Variants in ZNF438 observed in about 807,000 individuals in gnomAD.
The protein encoded by ZNF438 is zinc finger protein 438.
Under a neutral mutation model 38.0 loss-of-function variants are expected in ZNF438, and 25 were observed. That is an observed-to-expected ratio of 0.66 (90% CI 0.48 to 0.92). The LOEUF is 0.92. Among genes scored for constraint, ZNF438 ranks in the 40% least tolerant of loss-of-function variants. The pLI is 0.00. For missense variants in ZNF438, 1,007 were observed against 999.6 expected (o/e 1.01, Z -0.10); for synonymous variants, 372 against 364.1 (o/e 1.02, Z -0.25).
intron 3 of ZNF438, among the ~76,000 whole-genome samples, chr10:30,906,390 G>A (rs2994625): frequency 0.35 from 53,157 of 152,002 alleles, 10,838 homozygotes; most frequent in African/African-American, 0.56. Flanking sequence ...CCTTGGTAGT[G>A]TATATAAATA....
In ZNF438 at chr10:30,958,103, G is replaced by A. The variant is rs909385614; in HGVS notation, c.-191-16452C>T. On this transcript the variant is annotated intron_variant, in intron 1 of 5. Coordinates refer to ENST00000413025, the Ensembl canonical transcript of ZNF438. The stretch of plus-strand genomic sequence containing the variant: ...TTTGTAGTTCCATTTTTGGGACTGA[G>A]TCATACGACCAAAGAATAGCATTCC... Among the ~76,000 whole-genome samples the A allele has an allele frequency of 3.4e-5, 5 of 146,558 alleles. 1 individual carries two copies. The highest frequency in any genetic ancestry group is 6.9e-5 in the Admixed American group (1 of 14,508).
chr10:30,913,589 G>C (rs1462854813), intron 2 of ZNF438, among the ~76,000 whole-genome samples: 1 of 152,038 alleles, frequency 6.6e-6, no homozygotes, highest in African/African-American at 2.4e-5. Flanking sequence ...TAGAGAAAGA[G>C]TAAGTGAATT....
chr10:30,937,918 G>A (rs1271877403), intron 2 of ZNF438, among the ~76,000 whole-genome samples: 1 of 152,076 alleles, frequency 6.6e-6, no homozygotes, highest in African/African-American at 2.4e-5. Flanking sequence ...TCCTCAGGAG[G>A]GCATTCATGG....
intron 1 of ZNF438, among the ~76,000 whole-genome samples, chr10:30,974,138 A>G (rs553589224): frequency 6.6e-6 from 1 of 152,318 alleles, no homozygotes; most frequent in South Asian, 2.1e-4. Context: ...ACCTTCTGGG[A>G]ATCTAGATAA....
chr10:30,848,847 G>C, exon 5 of ZNF438: 1 of 1,614,240 alleles, frequency 6.2e-7, no homozygotes, highest in South Asian at 1.1e-5. Context: ...CGAAGGTGCT[G>C]TTTGAACTGG....
intron 1 of ZNF438, among the ~76,000 whole-genome samples, chr10:30,981,803 G>A (rs565719056): frequency 5.9e-5 from 9 of 151,946 alleles, no homozygotes; most frequent in East Asian, 2.0e-4. Context: ...ACTTGAACCC[G>A]GGAGGTGGAG....
intron 2 of ZNF438, among the ~76,000 whole-genome samples, chr10:30,918,232 T>C (rs7898784): frequency 0.037 from 5,672 of 152,280 alleles, 346 homozygotes; most frequent in African/African-American, 0.13. Flanking sequence ...CCACCTATGT[T>C]TTTAAGATTC....
At chr10:30,995,155 A>C (rs2053917787) in intron 1 of ZNF438, among the ~76,000 whole-genome samples, 2 of 152,212 alleles carry the variant, frequency 1.3e-5, no homozygotes, top group Non-Finnish European at 2.9e-5. Flanking sequence ...CAAGGAGCTC[A>C]ACAAATTCTA....
At chr10:31,015,180 T>C (rs1250209309) in intron 1 of ZNF438, among the ~76,000 whole-genome samples, 1 of 152,198 alleles carries the variant, frequency 6.6e-6, no homozygotes, top group Non-Finnish European at 1.5e-5. Context: ...TTACTGTTAT[T>C]GATCTTGTCA....
intron 4 of ZNF438, among the ~76,000 whole-genome samples, chr10:30,875,892 A>C (rs967938856): frequency 4.6e-5 from 7 of 152,262 alleles, no homozygotes; most frequent in Admixed American, 3.9e-4. Flanking sequence ...TGTCCCAGAT[A>C]TTAATAATAG....
intron 2 of ZNF438, among the ~76,000 whole-genome samples, chr10:30,910,681 G>GT (rs2042988350): frequency 1.7e-5 from 1 of 59,398 alleles, no homozygotes; most frequent in Non-Finnish European, 3.3e-5. Context: ...TTGTATATTG[G>GT]CCAAAAAAAA....
chr10:31,020,432 A>C lies in ZNF438; in HGVS notation c.-192+11401T>G, dbSNP rs558077065. On this transcript the variant is annotated intron_variant, in intron 1 of 5. Coordinates refer to ENST00000413025, the Ensembl canonical transcript of ZNF438. The stretch of plus-strand genomic sequence containing the variant: ...AAATTCTCATTGGTTTACAAAAATA[A>C]CATTGCTTGGTGATTGGATATACGT... Among the ~76,000 whole-genome samples the C allele has an allele frequency of 3.3e-5, 5 of 152,332 alleles. No individual in the cohort carries two copies. In the South Asian group the frequency reaches 1.0e-3, roughly 32 times the overall value.
intron 3 of ZNF438, among the ~76,000 whole-genome samples, chr10:30,885,360 T>A (rs886739740): frequency 2.6e-5 from 4 of 152,218 alleles, no homozygotes; most frequent in African/African-American, 9.6e-5. Flanking sequence ...AGGTTGATAA[T>A]CACACAAGAT....
chr10:30,864,667 T>C (rs1167809256), intron 4 of ZNF438, among the ~76,000 whole-genome samples: 1 of 152,182 alleles, frequency 6.6e-6, no homozygotes, highest in Non-Finnish European at 1.5e-5. Flanking sequence ...TGACATGGCT[T>C]CCTTCTGCTA....
rs769501006 is a variant in ZNF438, at chr10:30,848,563, C to A, written c.1842G>T (p.Met614Ile). Residue 614 changes from methionine (M) to isoleucine (I), a missense_variant, in exon 5 of 6, where the codon ATG (methionine) becomes ATT (isoleucine). Physicochemically the swap from Met to Ile is conservative, Grantham distance 10. Coordinates refer to ENST00000413025, the Ensembl canonical transcript of ZNF438. ...ATGATCCCTCCATGCCTCGCACACT[C>A]ATGTCTCTGTTCTTTGGTATGTCTC... 6.2e-7 allele frequency: 1 copy of A among 1,613,786 alleles called. No individual in the cohort carries two copies. The highest frequency in any genetic ancestry group is 1.3e-5 in the African/African-American group (1 of 75,056).
At chr10:30,988,876 C>T (rs1357583280) in intron 1 of ZNF438, among the ~76,000 whole-genome samples, 2 of 151,880 alleles carry the variant, frequency 1.3e-5, no homozygotes, top group Admixed American at 1.3e-4. Flanking sequence ...TGATGGCCAG[C>T]TGTTTGGTAT....
chr10:30,990,227 C>T (rs2053328997), intron 1 of ZNF438, among the ~76,000 whole-genome samples: 1 of 152,024 alleles, frequency 6.6e-6, no homozygotes, highest in South Asian at 2.1e-4. Context: ...CTTTTGAGAA[C>T]TCTGGGTAAC....
At chr10:30,845,568 T>C in exon 6 of ZNF438, 1 of 1,607,594 alleles carries the variant, frequency 6.2e-7, no homozygotes, top group Admixed American at 1.7e-5. Context: ...GTTGGACTTG[T>C]TTTCCCTGAA....
intron 4 of ZNF438, among the ~76,000 whole-genome samples, chr10:30,850,958 C>T (rs1412219718): frequency 6.6e-6 from 1 of 152,182 alleles, no homozygotes; most frequent in Non-Finnish European, 1.5e-5. Context: ...TTGTTTTGCA[C>T]AGTGGATGCA....
Sources: allele counts gnomAD v4.1 joint callset (sites outside exome capture counted in the v4.1 genomes callset), GRCh38; gene constraint gnomAD v4.1.1; transcripts MANE v1.5; gene names NCBI Gene and HGNC (gene_info 2026-07-23, HGNC 2026-07-21).